IL1RAPL2: variants seen among roughly 807,000 people sequenced by gnomAD.
The protein encoded by IL1RAPL2 is interleukin 1 receptor accessory protein like 2, also known as X-linked interleukin-1 receptor accessory protein-like 2.
In IL1RAPL2, 3 loss-of-function variants were observed where a neutral mutation model predicts 44.1. The observed-to-expected ratio is 0.07, with a 90% CI of 0.03 to 0.18. The LOEUF is 0.18. Ranked by LOEUF, IL1RAPL2 falls within the 10% of genes least tolerant of loss-of-function variation. The pLI is 1.00. For missense variants in IL1RAPL2, 391 were observed against 496.4 expected (o/e 0.79, Z 2.02); for synonymous variants, 181 against 178.8 (o/e 1.01, Z -0.10).
At chrX:105,417,285 C>T (rs979298521) in intron 5 of IL1RAPL2, among the ~76,000 whole-genome samples, 1 of 111,808 alleles carries the variant, frequency 8.9e-6, no homozygotes, top group Non-Finnish European at 1.9e-5. Flanking sequence ...ACAGCCTGGC[C>T]GACATGGTGA....
intron 5 of IL1RAPL2, among the ~76,000 whole-genome samples, chrX:105,452,037 G>T (rs1004267407): frequency 9.0e-6 from 1 of 110,920 alleles, no homozygotes; most frequent in African/African-American, 3.3e-5. Context: ...ATTTCCAATT[G>T]TACCTCTTTC....
intron 6 of IL1RAPL2, among the ~76,000 whole-genome samples, chrX:105,523,825 G>C (rs921443534): frequency 4.5e-5 from 5 of 110,879 alleles, no homozygotes; most frequent in African/African-American, 1.6e-4. Context: ...ATTGCCTCGA[G>C]ATGGATATGT....
intron 2 of IL1RAPL2, among the ~76,000 whole-genome samples, chrX:105,019,956 C>T (rs1233537692): frequency 9.0e-6 from 1 of 110,782 alleles, no homozygotes; most frequent in African/African-American, 3.3e-5. Flanking sequence ...TTCTGCCTTA[C>T]CCATCTCATG....
intron 1 of IL1RAPL2, among the ~76,000 whole-genome samples, chrX:104,604,172 A>T (rs1928950091): frequency 8.9e-6 from 1 of 111,976 alleles, no homozygotes; most frequent in Non-Finnish European, 1.9e-5. Flanking sequence ...AAAGAAAATA[A>T]ATTTCAACCC....
chrX:105,005,442 G>A (rs998811829), intron 2 of IL1RAPL2, among the ~76,000 whole-genome samples: 3 of 111,123 alleles, frequency 2.7e-5, no homozygotes, highest in Non-Finnish European at 3.8e-5. Context: ...CAGGCCTCAC[G>A]CCAGACTTAC....
intron 2 of IL1RAPL2, among the ~76,000 whole-genome samples, chrX:104,667,022 C>T (rs1472301374): frequency 3.6e-5 from 4 of 111,095 alleles, no homozygotes; most frequent in Non-Finnish European, 7.6e-5. Flanking sequence ...AAAAGAAATG[C>T]TTTGACATTC....
intron 9 of IL1RAPL2, chrX:105,753,008 G>A (rs2147587466): frequency 3.0e-6 from 1 of 329,123 alleles, no homozygotes; most frequent in East Asian, 9.8e-5. Flanking sequence ...CAGATGTGTT[G>A]GGTGTTAATA....
At chrX:105,483,580 AAAACTTTCCCC>A (rs1164222538) in intron 5 of IL1RAPL2, among the ~76,000 whole-genome samples, 7 of 111,173 alleles carry the variant, frequency 6.3e-5, no homozygotes, top group African/African-American at 2.3e-4. Context: ...TTCTCTTCAT[AAAACTTTCCCC>A]AAACCTTCCA....
intron 2 of IL1RAPL2, among the ~76,000 whole-genome samples, chrX:105,165,665 T>C (rs1258712930): frequency 8.9e-6 from 1 of 112,223 alleles, no homozygotes; most frequent in Non-Finnish European, 1.9e-5. Context: ...TCCTATTTAC[T>C]TCACTGGTAT....
At chrX:105,544,025 ATGT>A (rs1404489168) in intron 6 of IL1RAPL2, among the ~76,000 whole-genome samples, 6 of 111,769 alleles carry the variant, frequency 5.4e-5, no homozygotes, top group Non-Finnish European at 1.1e-4. Context: ...CATTTTGAAA[ATGT>A]TGAGTCTTCT....
rs370876029 is a variant in IL1RAPL2, at chrX:104,721,232, A to G, written c.82+62237A>G. On this transcript the variant is annotated intron_variant, in intron 2 of 10. Coordinates refer to ENST00000372582, the MANE Select transcript of IL1RAPL2 (RefSeq NM_017416.2). ...CTATTACAAAGATACATGCATGCGT[A>G]TGTTCATTGCAGCACTATTCACAAT... Among the ~76,000 whole-genome samples, 38 of 111,463 alleles carry G rather than the reference A, an allele frequency of 3.4e-4. No homozygotes were observed. The East Asian group carries it at 6.5e-3, about 19-fold the overall frequency.
intron 5 of IL1RAPL2, among the ~76,000 whole-genome samples, chrX:105,327,061 G>C (rs761506696): frequency 8.9e-6 from 1 of 112,165 alleles, no homozygotes; most frequent in Non-Finnish European, 1.9e-5. Flanking sequence ...ACTTCCATCA[G>C]TCTAAAGAAG....
At chrX:104,623,093 C>A (rs940156209) in intron 1 of IL1RAPL2, among the ~76,000 whole-genome samples, 1 of 110,587 alleles carries the variant, frequency 9.0e-6, no homozygotes, top group Non-Finnish European at 1.9e-5. Flanking sequence ...CTAGAAACTG[C>A]CTTTACATTA....
At chrX:105,023,436 T>G (rs1463755614) in intron 2 of IL1RAPL2, among the ~76,000 whole-genome samples, 1 of 111,484 alleles carries the variant, frequency 9.0e-6, no homozygotes, top group African/African-American at 3.3e-5. Flanking sequence ...TTATACTATA[T>G]GATTAATTCT....
At chrX:105,082,706 G>C (rs1288401466) in intron 2 of IL1RAPL2, among the ~76,000 whole-genome samples, 3 of 111,689 alleles carry the variant, frequency 2.7e-5, no homozygotes, top group Non-Finnish European at 5.6e-5. Context: ...TGCAGCAGAC[G>C]GGCCTGACTG....
At chrX:104,641,147 G>A (rs1387290119) in intron 1 of IL1RAPL2, among the ~76,000 whole-genome samples, 1 of 111,961 alleles carries the variant, frequency 8.9e-6, no homozygotes, top group Non-Finnish European at 1.9e-5. Context: ...GGGCTGGGTT[G>A]GTTACGCTTC....
intron 1 of IL1RAPL2, among the ~76,000 whole-genome samples, chrX:104,601,425 T>C (rs1928881522): frequency 9.0e-6 from 1 of 111,497 alleles, no homozygotes; most frequent in South Asian, 3.8e-4. Flanking sequence ...ATTTTTAATT[T>C]TTCTTCAACT....
chrX:105,709,052 T>C (rs1341195026), intron 6 of IL1RAPL2, among the ~76,000 whole-genome samples: 1 of 112,436 alleles, frequency 8.9e-6, no homozygotes, highest in African/African-American at 3.2e-5. Flanking sequence ...CTTGCTAGTA[T>C]AGTGAGTTAA....
chrX:105,286,470 CA>C (rs5903264), intron 5 of IL1RAPL2, among the ~76,000 whole-genome samples: 14,599 of 91,256 alleles, frequency 0.16, 1,917 homozygotes, highest in African/African-American at 0.42. Flanking sequence ...TTTGCAGCCT[CA>C]AAAAAAAAAA....
Sources: allele counts gnomAD v4.1 joint callset (sites outside exome capture counted in the v4.1 genomes callset), GRCh38; gene constraint gnomAD v4.1.1; transcripts MANE v1.5; gene names NCBI Gene and HGNC (gene_info 2026-07-23, HGNC 2026-07-21).